Variants in KIAA1217 observed in about 807,000 individuals in gnomAD.
The protein encoded by KIAA1217 is KIAA1217.
A neutral mutation model predicts 163.9 loss-of-function variants in KIAA1217; 88 were observed. That is an observed-to-expected ratio of 0.54 (90% confidence interval 0.45 to 0.64). KIAA1217 has a LOEUF of 0.64. Ranked by LOEUF, KIAA1217 falls within the 30% of genes least tolerant of loss-of-function variation. The pLI is 0.00. For missense variants in KIAA1217, 2,372 were observed against 2,475.0 expected (o/e 0.96, Z 0.88); for synonymous variants, 903 against 923.1 (o/e 0.98, Z 0.39).
rs1281693544 is a variant in KIAA1217, at chr10:24,533,466, T to C, written c.3414+229T>C. Among the ~76,000 whole-genome samples the C allele has an allele frequency of 3.3e-5, 5 of 152,390 alleles. No individual in the cohort carries two copies. The East Asian group carries it at 9.6e-4, about 29-fold the overall frequency. ...GACCATTTCACAAAACAACTCACGC[T>C]TTCCTACCTCTGGCTGTAAAATTGA... is the stretch of plus-strand genomic sequence containing the variant. On this transcript the variant is annotated intron_variant, in intron 16 of 20. Coordinates refer to ENST00000376454, the MANE Select transcript of KIAA1217 (RefSeq NM_019590.5).
chr10:24,437,906 C>CAAAAAAAAAAAAAAAAAA (rs58645832), intron 4 of KIAA1217, among the ~76,000 whole-genome samples: 2 of 63,692 alleles, frequency 3.1e-5, no homozygotes, highest in African/African-American at 6.7e-5. Context: ...TGTTTGAAGG[C>CAAAAAAAAAAAAAAAAAA]AAAAAAAAAA....
At chr10:24,202,496 G>A (rs912242314) in intron 2 of KIAA1217, among the ~76,000 whole-genome samples, 7 of 152,162 alleles carry the variant, frequency 4.6e-5, no homozygotes, top group Non-Finnish European at 1.0e-4. Context: ...GCAGGGCCCT[G>A]TTCTCGGAGC....
chr10:24,139,302 C>A (rs1308987940), intron 2 of KIAA1217, among the ~76,000 whole-genome samples: 1 of 151,974 alleles, frequency 6.6e-6, no homozygotes, highest in Non-Finnish European at 1.5e-5. Flanking sequence ...CTCTAACTAG[C>A]TAAATAATTA....
chr10:24,387,741 G>A (rs1398067762), intron 3 of KIAA1217, among the ~76,000 whole-genome samples: 1 of 152,068 alleles, frequency 6.6e-6, no homozygotes, highest in Non-Finnish European at 1.5e-5. Flanking sequence ...AAAATCACAA[G>A]CATTCCTATA....
intron 2 of KIAA1217, among the ~76,000 whole-genome samples, chr10:24,198,533 C>T (rs944855537): frequency 2.0e-5 from 3 of 149,524 alleles, no homozygotes; most frequent in South Asian, 2.1e-4. Flanking sequence ...TGCTTGAACC[C>T]GAGAGGCAGA....
intron 2 of KIAA1217, among the ~76,000 whole-genome samples, chr10:24,372,623 A>G (rs992742180): frequency 5.3e-5 from 8 of 152,196 alleles, no homozygotes; most frequent in African/African-American, 1.7e-4. Flanking sequence ...CTGCACGCCA[A>G]AATAAATCTA....
chr10:24,182,629 C>A (rs954208957), intron 2 of KIAA1217, among the ~76,000 whole-genome samples: 2 of 152,048 alleles, frequency 1.3e-5, no homozygotes, highest in African/African-American at 2.4e-5. Flanking sequence ...GGCATATGTT[C>A]TTTAAAGTTA....
At chr10:23,742,332 T>G (rs1419499260) in intron 1 of KIAA1217, among the ~76,000 whole-genome samples, 7 of 152,120 alleles carry the variant, frequency 4.6e-5, no homozygotes, top group Non-Finnish European at 8.8e-5. Flanking sequence ...ATCATAGGCA[T>G]GATTGTTTTC....
chr10:23,787,836 A>G (rs1835563885), intron 1 of KIAA1217, among the ~76,000 whole-genome samples: 1 of 152,112 alleles, frequency 6.6e-6, no homozygotes. Context: ...TAGGACAGAA[A>G]TTTGTGAAAA....
chr10:24,014,646 C>A (rs753271202), intron 2 of KIAA1217, among the ~76,000 whole-genome samples: 1 of 152,146 alleles, frequency 6.6e-6, no homozygotes, highest in East Asian at 1.9e-4. Flanking sequence ...GCATCTAACT[C>A]GTGAGCTTCA....
At chr10:23,976,795 T>C (rs1250082276) in intron 1 of KIAA1217, among the ~76,000 whole-genome samples, 1 of 152,194 alleles carries the variant, frequency 6.6e-6, no homozygotes. Flanking sequence ...AAAGTCCTAC[T>C]GAAGACAATG....
chr10:23,959,904 T>C (rs1844746044), intron 1 of KIAA1217, among the ~76,000 whole-genome samples: 1 of 149,696 alleles, frequency 6.7e-6, no homozygotes, highest in Admixed American at 6.6e-5. Flanking sequence ...AGGAAGGTCA[T>C]AGACTTCTTT....
intron 2 of KIAA1217, among the ~76,000 whole-genome samples, chr10:24,201,001 T>C (rs1035129821): frequency 9.9e-5 from 15 of 152,122 alleles, no homozygotes; most frequent in Non-Finnish European, 1.9e-4. Context: ...CTGGGTGCCA[T>C]GGCTCACACC....
chr10:24,433,270 G>T (rs1435523702), intron 4 of KIAA1217, 77 bp downstream of exon 4: 13 of 1,131,538 alleles, frequency 1.1e-5, no homozygotes, highest in Non-Finnish European at 1.6e-5. Flanking sequence ...GTTTTTGAGG[G>T]GTTTTTTTTT....
intron 15 of KIAA1217, 54 bp downstream of exon 15, chr10:24,532,047 A>G: frequency 7.2e-7 from 1 of 1,395,822 alleles, no homozygotes; most frequent in South Asian, 1.9e-5. Flanking sequence ...TGATACCCTT[A>G]GACAAGGTTC....
intron 6 of KIAA1217, among the ~76,000 whole-genome samples, chr10:24,485,548 C>T (rs1482332104): frequency 2.0e-5 from 3 of 152,224 alleles, no homozygotes; most frequent in East Asian, 3.9e-4. Context: ...AACACTCCCC[C>T]GCAGTCTCCC....
intron 1 of KIAA1217, among the ~76,000 whole-genome samples, chr10:23,854,923 A>G (rs1286177313): frequency 2.6e-5 from 4 of 152,154 alleles, no homozygotes; most frequent in East Asian, 1.9e-4. Flanking sequence ...CACATGAGAT[A>G]GGTTTCCTGA....
chr10:24,075,400 A>G (rs2061337910), intron 2 of KIAA1217, among the ~76,000 whole-genome samples: 2 of 151,488 alleles, frequency 1.3e-5, no homozygotes, highest in Admixed American at 6.6e-5. Context: ...TTTTTACTAC[A>G]TATTTTGAGT....
chr10:24,200,023 C>T (rs775595376), intron 2 of KIAA1217, among the ~76,000 whole-genome samples: 1 of 151,774 alleles, frequency 6.6e-6, no homozygotes, highest in Non-Finnish European at 1.5e-5. Context: ...TCTGGGAAAC[C>T]CACAGTACAC....
Sources: gnomAD v4.1 joint callset for allele counts (sites outside exome capture counted in the v4.1 genomes callset) on GRCh38, gnomAD v4.1.1 for gene constraint, MANE v1.5 for transcripts, NCBI Gene and HGNC (gene_info 2026-07-23, HGNC 2026-07-21) for gene names.